Variants in PPP5C observed in about 807,000 individuals in gnomAD.
PPP5C encodes the protein protein phosphatase 5 catalytic subunit.
A neutral mutation model predicts 66.7 loss-of-function variants in PPP5C; 21 were observed. That is an observed-to-expected ratio of 0.31 (90% confidence interval 0.22 to 0.45). PPP5C has a LOEUF of 0.45. PPP5C is among the 20% of genes least tolerant of loss of function. The pLI, the probability that PPP5C is intolerant of heterozygous loss-of-function variation, is 1.00. For missense variants in PPP5C, 464 were observed against 675.9 expected, an observed-to-expected ratio of 0.69 and a Z score of 3.48; for synonymous variants, 246 against 257.4, an observed-to-expected ratio of 0.96 and a Z score of 0.43.
At chr19:46,354,034 T>C in intron 2 of PPP5C, 45 bp downstream of exon 2, 1 of 1,598,742 alleles carries the variant, frequency 6.3e-7, no homozygotes, top group Non-Finnish European at 8.5e-7. Flanking sequence ...GCCAGGCAGA[T>C]ACTGAGGGCT....
chr19:46,389,755 C>T (rs987166405), intron 11 of PPP5C, among the ~76,000 whole-genome samples: 4 of 152,080 alleles, frequency 2.6e-5, no homozygotes, highest in African/African-American at 9.7e-5. Context: ...AAGCTAGAAG[C>T]GTGGTCAGAT....
intron 2 of PPP5C, among the ~76,000 whole-genome samples, chr19:46,373,108 C>T (rs1207547958): frequency 6.6e-6 from 1 of 152,110 alleles, no homozygotes; most frequent in African/African-American, 2.4e-5. Flanking sequence ...CCTGTCCTGG[C>T]AGGCCTGGAT....
In PPP5C at chr19:46,367,250, A is replaced by G. The variant is rs1972506576; in HGVS notation, c.364-8354A>G. ...CCTGCTTCCAGCACTTGGTGCTGGT[A>G]GATAGAGCCTTGGTGCTAGGACCAT... On this transcript the variant is annotated intron_variant, in intron 2 of 12. Coordinates refer to ENST00000012443, the MANE Select transcript of PPP5C (RefSeq NM_006247.4). Among the ~76,000 whole-genome samples the G allele has an allele frequency of 2.0e-5, 3 of 152,254 alleles. 1 individual carries two copies. The South Asian group carries it at 6.2e-4, about 31-fold the overall frequency.
At chr19:46,347,947 A>AG (rs980827839) in intron 1 of PPP5C, among the ~76,000 whole-genome samples, 1 of 151,492 alleles carries the variant, frequency 6.6e-6, no homozygotes, top group Non-Finnish European at 1.5e-5. Flanking sequence ...CATGAAAAAA[A>AG]AAAAAACAAA....
intron 2 of PPP5C, among the ~76,000 whole-genome samples, chr19:46,357,103 G>A (rs895480468): frequency 1.3e-5 from 2 of 152,208 alleles, no homozygotes; most frequent in Admixed American, 1.3e-4. Flanking sequence ...CTGGAGTGCA[G>A]TGGCACAAAT....
chr19:46,367,610 A>G (rs1421777853), intron 2 of PPP5C, among the ~76,000 whole-genome samples: 1 of 152,118 alleles, frequency 6.6e-6, no homozygotes, highest in Non-Finnish European at 1.5e-5. Context: ...TTTCACCAAT[A>G]CTTTGAGAAG....
chr19:46,376,762 G>T lies in PPP5C; in HGVS notation c.633+188G>T. On this transcript the variant is annotated intron_variant, in intron 4 of 12. Transcript: ENST00000012443. This position sits in a 1 kb window ranked among gnomAD's most constrained non-coding sequence, Gnocchi z 5.1. ...TCTCATCTCGTCCCACAGCAGTTTGGGGAGGTGGCAGGCAGTGCCATTTGA... is the reference window on the plus strand; with the variant it reads ...TCTCATCTCGTCCCACAGCAGTTTGTGGAGGTGGCAGGCAGTGCCATTTGA... 1.3e-6 allele frequency: 1 copy of T among 797,698 alleles called. No homozygotes were observed. The highest frequency in any genetic ancestry group is 1.9e-6 in the Non-Finnish European group (1 of 532,906). The allele number at this position is 797,698 out of a possible 1,614,324, so 49.4% of individuals were successfully genotyped here. A position where few individuals can be genotyped will look rare whatever the true frequency, so the allele number is the denominator to read the frequency against.
chr19:46,387,343 A>G, intron 8 of PPP5C, 23 bp from the exon 9 acceptor site: 1 of 1,607,076 alleles, frequency 6.2e-7, no homozygotes, highest in Non-Finnish European at 8.5e-7. Flanking sequence ...CTTCCCTCAC[A>G]GCGGCATCCC....
Position 46,390,146 on chromosome 19 carries a change from CAG to C in PPP5C, c.1437+15_1437+16del, listed in dbSNP as rs1972988759. On this transcript the variant is annotated intron_variant, in intron 12 of 12. Transcript: ENST00000012443. ...TTCACAGCAGTGGTGAGTCACCCCT[CAG>C]GGCCCCTGCCCCTTCCATCCCGGCC... 1.2e-6 allele frequency: 2 copies of C among 1,613,076 alleles called. No individual in the cohort carries two copies. Among genetic ancestry groups the C allele is most frequent in the Admixed American group, 1.7e-5 (1 of 60,022 alleles).
intron 4 of PPP5C, among the ~76,000 whole-genome samples, chr19:46,381,098 G>C (rs1397095700): frequency 1.3e-5 from 2 of 152,010 alleles, no homozygotes; most frequent in African/African-American, 4.8e-5. Context: ...GATAATTTCA[G>C]TTGTCCTTAT....
intron 2 of PPP5C, among the ~76,000 whole-genome samples, chr19:46,357,650 C>G (rs1196918894): frequency 2.0e-5 from 3 of 152,166 alleles, no homozygotes; most frequent in African/African-American, 7.2e-5. Flanking sequence ...TTCTGTGACC[C>G]ACTCCTTGGG....
intron 2 of PPP5C, among the ~76,000 whole-genome samples, chr19:46,360,416 T>C (rs1247263062): frequency 1.3e-5 from 2 of 152,186 alleles, no homozygotes; most frequent in Non-Finnish European, 2.9e-5. Flanking sequence ...CCGGGGTCCC[T>C]GACATCCAGA....
intron 2 of PPP5C, among the ~76,000 whole-genome samples, chr19:46,364,624 T>C (rs1052186261): frequency 6.6e-6 from 1 of 152,082 alleles, no homozygotes; most frequent in Non-Finnish European, 1.5e-5. Flanking sequence ...CAGCAGACAG[T>C]TGGAGCATTT....
chr19:46,361,587 A>AT (rs1257458134), intron 2 of PPP5C, among the ~76,000 whole-genome samples: 62 of 124,456 alleles, frequency 5.0e-4, no homozygotes, highest in African/African-American at 1.0e-3. Flanking sequence ...TCTACTAAAA[A>AT]TTAAAAAAAA....
chr19:46,384,945 G>A, intron 7 of PPP5C, 36 bp downstream of exon 7: 3 of 1,506,514 alleles, frequency 2.0e-6, no homozygotes, highest in Non-Finnish European at 2.8e-6. Flanking sequence ...GGTTCATTGT[G>A]GGGTCCTGAG....
At chr19:46,354,323 G>A (rs567203976) in intron 2 of PPP5C, among the ~76,000 whole-genome samples, 1 of 152,324 alleles carries the variant, frequency 6.6e-6, no homozygotes, top group South Asian at 2.1e-4. Flanking sequence ...CTTGGCCCGG[G>A]GTCAGTGTCC....
chr19:46,368,345 G>GGA (rs1310607486), intron 2 of PPP5C, among the ~76,000 whole-genome samples: 1 of 152,194 alleles, frequency 6.6e-6, no homozygotes, highest in African/African-American at 2.4e-5. Flanking sequence ...TCCTGGACCT[G>GGA]CCATGCAGCT....
Position 46,390,732 on chromosome 19 carries a change from G to T in PPP5C, c.*386G>T, listed in dbSNP as rs1031918464. ...CCCCAGAGAGAGGGTCAGCAGGGGG[G>T]CCCCGCCTGCGCCTCCCCTCCTATA... On this transcript the variant is annotated 3_prime_UTR_variant, in exon 13 of 13. Transcript: ENST00000012443. 1.8e-6 allele frequency: 2 copies of T among 1,141,346 alleles called. No homozygotes were observed. Among genetic ancestry groups the T allele is most frequent in the Non-Finnish European group, 2.2e-6 (2 of 919,130 alleles). 70.7% of individuals were successfully genotyped at this position (1,141,346 alleles called of 1,614,324 possible).
At chr19:46,362,118 C>T (rs543196955) in intron 2 of PPP5C, among the ~76,000 whole-genome samples, 1 of 152,192 alleles carries the variant, frequency 6.6e-6, no homozygotes, top group Non-Finnish European at 1.5e-5. Flanking sequence ...TTACCAAAAC[C>T]ACATCTTAGA....
Sources: allele counts gnomAD v4.1 joint callset (sites outside exome capture counted in the v4.1 genomes callset), GRCh38; gene constraint gnomAD v4.1.1; non-coding constraint Gnocchi (gnomAD v3.1); transcripts MANE v1.5; gene names NCBI Gene and HGNC (gene_info 2026-07-23, HGNC 2026-07-21).